C16orf87: variants seen among roughly 807,000 people sequenced by gnomAD.
C16orf87 encodes HDAC and MIER1 interacting protein 1, also known as UPF0547 protein C16orf87.
A neutral mutation model predicts 21.0 loss-of-function variants in C16orf87; 13 were observed. The ratio of observed to expected loss-of-function variants is 0.62; its 90% confidence interval spans 0.40 to 0.98. The LOEUF is 0.98. Ranked by LOEUF, C16orf87 falls within the 50% of genes least tolerant of loss-of-function variation. The probability of loss-of-function intolerance (pLI) is 0.00; values close to 1 mark genes in which losing one functional copy is unlikely to be tolerated. For missense variants in C16orf87, 113 were observed against 180.4 expected, an observed-to-expected ratio of 0.63 and a Z score of 2.14; for synonymous variants, 49 against 60.2, an observed-to-expected ratio of 0.81 and a Z score of 0.86.
chr16:46,824,235 C>G, intron 2 of C16orf87, 151 bp downstream of exon 2: 1 of 554,888 alleles, frequency 1.8e-6, no homozygotes, highest in Non-Finnish European at 3.2e-6. Context: ...AAACCAACGT[C>G]GTAAACTAAT....
intron 3 of C16orf87, among the ~76,000 whole-genome samples, chr16:46,808,656 A>G (rs957452683): frequency 4.6e-5 from 7 of 152,202 alleles, no homozygotes; most frequent in Non-Finnish European, 1.0e-4. Context: ...TTAAAAAGGT[A>G]TTTGTGGACA....
At position 46,799,163 on chromosome 16, in the gene C16orf87, G is replaced by A. The variant is rs1967703382; in HGVS notation, c.*3789C>T. The A allele has an allele frequency of 1.3e-5, 2 of 152,104 alleles. No homozygotes were observed. Among genetic ancestry groups the A allele is most frequent in the Admixed American group, 6.5e-5 (1 of 15,280 alleles). 9.4% of individuals were successfully genotyped at this position (152,104 alleles called of 1,614,324 possible). On this transcript the variant is annotated 3_prime_UTR_variant, in exon 4 of 4. Transcript: ENST00000285697. ...TTATATGTCTCATACTTTTAATCCTGGAGAGTCTGCTTTGTATGTTAGGAT... is the reference window on the plus strand; with the variant it reads ...TTATATGTCTCATACTTTTAATCCTAGAGAGTCTGCTTTGTATGTTAGGAT...
intron 2 of C16orf87, among the ~76,000 whole-genome samples, chr16:46,810,968 A>T (rs1282747556): frequency 6.6e-6 from 1 of 152,236 alleles, no homozygotes; most frequent in Non-Finnish European, 1.5e-5. Flanking sequence ...CCATACGAAG[A>T]TACTAAAGAA....
At chr16:46,804,374 C>G (rs1967861689) in intron 3 of C16orf87, among the ~76,000 whole-genome samples, 1 of 152,104 alleles carries the variant, frequency 6.6e-6, no homozygotes, top group South Asian at 2.1e-4. Context: ...TGGTTTATTT[C>G]TTCATTTTGG....
In C16orf87 at chr16:46,801,569, G is replaced by A. The variant is rs1165793344; in HGVS notation, c.*1383C>T. On this transcript the variant is annotated 3_prime_UTR_variant, in exon 4 of 4. Transcript: ENST00000285697. ...CAAAATAGTTGCAGTAGTACCTGCAGATAGATACAGGGATTAAAGGAAAAG... is the reference window on the plus strand; with the variant it reads ...CAAAATAGTTGCAGTAGTACCTGCAAATAGATACAGGGATTAAAGGAAAAG... The A allele has an allele frequency of 6.6e-6, 1 of 152,162 alleles. No individual in the cohort carries two copies. Among genetic ancestry groups the A allele is most frequent in the Admixed American group, 6.5e-5 (1 of 15,284 alleles). The allele number at this position is 152,162 out of a possible 1,614,324, so 9.4% of individuals were successfully genotyped here.
chr16:46,811,082 G>C (rs547858981), intron 2 of C16orf87, among the ~76,000 whole-genome samples: 31 of 152,290 alleles, frequency 2.0e-4, no homozygotes, highest in African/African-American at 7.5e-4. Flanking sequence ...AAGGGCAAAT[G>C]AAGAGGTTTC....
chr16:46,798,322 A>T lies in C16orf87; in HGVS notation c.*4630T>A, dbSNP rs1228313666. ...CAGGAGTTCGAGACCAGCTTGGCCA[A>T]CATGGTGAAACTCCATCTCTACTAA... On this transcript the variant is annotated 3_prime_UTR_variant, in exon 4 of 4. Coordinates refer to ENST00000285697, the MANE Select transcript of C16orf87 (RefSeq NM_001001436.4). The T allele has an allele frequency of 6.6e-6, 1 of 152,358 alleles. No individual in the cohort carries two copies. The highest frequency in any genetic ancestry group is 1.5e-5 in the Non-Finnish European group (1 of 68,114). 9.4% of individuals were successfully genotyped at this position (152,358 alleles called of 1,614,324 possible).
chr16:46,830,315 A>G (rs1275024490), intron 1 of C16orf87, among the ~76,000 whole-genome samples: 2 of 146,468 alleles, frequency 1.4e-5, no homozygotes, highest in Non-Finnish European at 3.0e-5. Context: ...AGAGACACAC[A>G]GAGACATTCA....
At chr16:46,824,310 G>T in intron 2 of C16orf87, 76 bp downstream of exon 2, 1 of 720,498 alleles carries the variant, frequency 1.4e-6, no homozygotes, top group Non-Finnish European at 2.4e-6. Context: ...AACAAAAAAT[G>T]TAAATAGAAA....
chr16:46,827,974 G>A lies in C16orf87; in HGVS notation c.66+3110C>T, dbSNP rs149567118. The stretch of plus-strand genomic sequence containing the variant: ...TTTTTTTTGAGACGGAGTCTCTGTC[G>A]CCCAGGCTGGAGTACAGTGGTGCGA... On this transcript the variant is annotated intron_variant, in intron 1 of 3. Transcript: ENST00000285697. Among the ~76,000 whole-genome samples, 555 of 141,578 alleles carry A rather than the reference G, an allele frequency of 3.9e-3. 3 individuals are homozygous for A. The highest frequency in any genetic ancestry group is 0.014 in the African/African-American group (522 of 37,954). The allele number at this position is 141,578 out of a possible 152,430, so 92.9% of individuals were successfully genotyped here.
chr16:46,811,293 C>T (rs1475626352), intron 2 of C16orf87, among the ~76,000 whole-genome samples: 1 of 152,074 alleles, frequency 6.6e-6, no homozygotes, highest in African/African-American at 2.4e-5. Context: ...CACCTGAGGT[C>T]AGGAGTTCGA....
At chr16:46,811,015 G>A (rs914523827) in intron 2 of C16orf87, among the ~76,000 whole-genome samples, 3 of 152,130 alleles carry the variant, frequency 2.0e-5, no homozygotes, top group Non-Finnish European at 4.4e-5. Context: ...TATAGGGCAA[G>A]AACAAAGCAT....
intron 1 of C16orf87, among the ~76,000 whole-genome samples, chr16:46,830,266 GAC>G (rs1232891865): frequency 4.0e-4 from 51 of 128,972 alleles, no homozygotes; most frequent in African/African-American, 5.9e-4. Flanking sequence ...GAGAGAGACA[GAC>G]AGAGAGAGAG....
intron 1 of C16orf87, among the ~76,000 whole-genome samples, chr16:46,829,392 TC>T (rs1959759299): frequency 6.6e-6 from 1 of 152,162 alleles, no homozygotes; most frequent in South Asian, 2.1e-4. Context: ...TTTCAGAAAC[TC>T]CTATAAGTTT....
intron 2 of C16orf87, among the ~76,000 whole-genome samples, chr16:46,810,123 G>A (rs1968040709): frequency 6.6e-6 from 1 of 152,060 alleles, no homozygotes; most frequent in Admixed American, 6.5e-5. Context: ...TAAAAATAGT[G>A]AAATATTAAG....
At chr16:46,810,067 A>G (rs558544746) in intron 2 of C16orf87, among the ~76,000 whole-genome samples, 1 of 152,352 alleles carries the variant, frequency 6.6e-6, no homozygotes, top group African/African-American at 2.4e-5. Flanking sequence ...ACAAGTTCAC[A>G]CAATTCCATA....
intron 2 of C16orf87, 108 bp from the exon 3 acceptor site, chr16:46,809,893 T>C: frequency 1.5e-6 from 1 of 657,134 alleles, no homozygotes; most frequent in Non-Finnish European, 2.6e-6. Context: ...GTATGCTTCC[T>C]GGCATATTTC....
chr16:46,823,081 T>C (rs1217356627), intron 2 of C16orf87, among the ~76,000 whole-genome samples: 1 of 152,244 alleles, frequency 6.6e-6, no homozygotes, highest in Admixed American at 6.5e-5. Context: ...TTCTTTTCCC[T>C]GATCTTATCA....
intron 2 of C16orf87, 28 bp from the exon 3 acceptor site, chr16:46,809,813 T>G (rs769579777): frequency 2.7e-6 from 4 of 1,492,434 alleles, no homozygotes; most frequent in Admixed American, 1.8e-5. Flanking sequence ...AGTGATATAT[T>G]TTAGGGCTTA....
Sources: allele counts gnomAD v4.1 joint callset (sites outside exome capture counted in the v4.1 genomes callset), GRCh38; gene constraint gnomAD v4.1.1; transcripts MANE v1.5; gene names NCBI Gene and HGNC (gene_info 2026-07-23, HGNC 2026-07-21).